Variants in CHD4 observed in about 807,000 individuals in gnomAD.
The protein encoded by CHD4 is ATP-dependent chromatin remodeler CHD4.
CHD4 carries 35 observed loss-of-function variants against 235.5 expected under a neutral mutation model. That is an observed-to-expected ratio of 0.15 (90% CI 0.11 to 0.20). The LOEUF (loss-of-function observed/expected upper bound fraction) is 0.20, where lower values mean the gene tolerates loss of function less well. CHD4 is among the 10% of genes least tolerant of loss of function. The pLI is 1.00. For synonymous variants in CHD4, 900 were observed against 850.2 expected, an observed-to-expected ratio of 1.06 and a Z score of -1.02; for missense variants, 1,329 against 2,432.3, an observed-to-expected ratio of 0.55 and a Z score of 9.54.
rs980415194 is a variant in CHD4, at chr12:6,574,787, G to A, written c.5362-1518C>T. Among the ~76,000 whole-genome samples the A allele has an allele frequency of 2.6e-5, 4 of 152,194 alleles. No homozygotes were observed. The East Asian group carries it at 5.8e-4, about 22-fold the overall frequency. ...CTTAAATGACAATTTAACTTTCTCA[G>A]TGACTCAGGCTCAAAATGTTATTTT... On this transcript the variant is annotated intron_variant, in intron 37 of 39. Coordinates refer to ENST00000544040, the MANE Select transcript of CHD4 (RefSeq NM_001273.5).
At chr12:6,580,081 C>T (rs553548131) in intron 33 of CHD4, among the ~76,000 whole-genome samples, 103 of 143,876 alleles carry the variant, frequency 7.2e-4, no homozygotes, top group South Asian at 2.8e-3. Flanking sequence ...AAAAAAATTA[C>T]GTGGGCATGG....
chr12:6,570,511 C>G lies in CHD4; in HGVS notation c.*165G>C. On this transcript the variant is annotated 3_prime_UTR_variant, in exon 40 of 40. Transcript: ENST00000544040. Reference sequence around the variant, plus strand: ...TCTTCTGCAGGAAGGGCACCACTGCCCCTCACTCCCTCCCCTCCCCCAGTG... The same window carrying G: ...TCTTCTGCAGGAAGGGCACCACTGCGCCTCACTCCCTCCCCTCCCCCAGTG... 1 of 765,892 alleles carries G rather than the reference C, an allele frequency of 1.3e-6. No individual in the cohort carries two copies. The highest frequency in any genetic ancestry group is 2.1e-6 in the Non-Finnish European group (1 of 468,672). The allele number at this position is 765,892 out of a possible 1,614,324, so 47.4% of individuals were successfully genotyped here.
At position 6,578,154 on chromosome 12, in the gene CHD4, G is replaced by A; in HGVS notation, c.5120-17C>T. 1.2e-6 allele frequency: 2 copies of A among 1,602,700 alleles called. No individual in the cohort carries two copies. Among genetic ancestry groups the A allele is most frequent in the Non-Finnish European group, 1.7e-6 (2 of 1,172,750 alleles). ...AGTGCAACTCTGAGGAGGAATTTAGGGAAGGTTGGGGGTGGGGGGAAGCAA... is the reference window on the plus strand; with the variant it reads ...AGTGCAACTCTGAGGAGGAATTTAGAGAAGGTTGGGGGTGGGGGGAAGCAA... On this transcript the variant is annotated splice_polypyrimidine_tract_variant and intron_variant, in intron 35 of 39. Coordinates refer to ENST00000544040, the MANE Select transcript of CHD4 (RefSeq NM_001273.5).
At position 6,582,840 on chromosome 12, in the gene CHD4, G is replaced by A. The variant is rs545674372; in HGVS notation, c.4236+8C>T. The A allele has an allele frequency of 1.2e-6, 2 of 1,613,848 alleles. No individual in the cohort carries two copies. The highest frequency in any genetic ancestry group is 2.2e-5 in the South Asian group (2 of 91,072). On this transcript the variant is annotated splice_region_variant and intron_variant, in intron 28 of 39. Transcript: ENST00000544040. The stretch of plus-strand genomic sequence containing the variant: ...ACTCACCCCTCCTTAGAATCGTATG[G>A]CACTTACTTCAATATTCCCACCAAC...
rs768787173 is a variant in CHD4, at chr12:6,582,595, C to T, written c.4370+20G>A. 6.3e-7 allele frequency: 1 copy of T among 1,599,152 alleles called. No individual in the cohort carries two copies. Among genetic ancestry groups the T allele is most frequent in the South Asian group, 1.1e-5 (1 of 87,980 alleles). ...CAGAAGCCCTTGCTCTAGATCAGTC[C>T]ACTCCAGCCCTCAACTCACTTGAAC... On this transcript the variant is annotated intron_variant, in intron 29 of 39. Coordinates refer to ENST00000544040, the MANE Select transcript of CHD4 (RefSeq NM_001273.5).
In CHD4 at chr12:6,593,300, T is replaced by C; in HGVS notation, c.2515-72A>G. 6.2e-7 allele frequency: 1 copy of C among 1,605,948 alleles called. No individual in the cohort carries two copies. The highest frequency in any genetic ancestry group is 8.5e-7 in the Non-Finnish European group (1 of 1,173,518). On this transcript the variant is annotated intron_variant, in intron 16 of 39. Coordinates refer to ENST00000544040, the MANE Select transcript of CHD4 (RefSeq NM_001273.5). This position sits in a 1 kb window ranked among gnomAD's most constrained non-coding sequence, Gnocchi z 4.9. ...AAGCACAACCAGGAGACTGATGGAA[T>C]GTTTTCCTCCTCCCAGGGTTACCCT...
chr12:6,573,143 C>T lies in CHD4; in HGVS notation c.5488G>A (p.Glu1830Lys). ...TRFAEVECLA[E>K]SHQHLSKESM... ...TCCTTGGACAGGTGCTGATGACTTT[C>T]CGCCAAACACTCCACCTCAGCAAAG... The change falls in exon 38 of 40, where the codon GAA (glutamate) becomes AAA (lysine). Residue 1830 changes from glutamate to lysine, a missense_variant. Physicochemically the swap from Glu to Lys is moderately conservative, Grantham distance 56. This residue lies in a region of CHD4 where 135 missense variants were observed against 282.3 expected (regional missense o/e 0.48). Coordinates refer to ENST00000544040, the MANE Select transcript of CHD4 (RefSeq NM_001273.5). 6.2e-7 allele frequency: 1 copy of T among 1,611,948 alleles called. No homozygotes were observed. Among genetic ancestry groups the T allele is most frequent in the Non-Finnish European group, 8.5e-7 (1 of 1,179,148 alleles).
At position 6,594,737 on chromosome 12, in the gene CHD4, C is replaced by G. The variant is rs562965697; in HGVS notation, c.2122-87G>C. The G allele has an allele frequency of 6.2e-4, 757 of 1,220,394 alleles. 2 individuals are homozygous for G. The highest frequency in any genetic ancestry group is 7.5e-4 in the Non-Finnish European group (652 of 871,240). The allele number at this position is 1,220,394 out of a possible 1,614,324, so 75.6% of individuals were successfully genotyped here. A position where few individuals can be genotyped will look rare whatever the true frequency, so the allele number is the denominator to read the frequency against. On this transcript the variant is annotated intron_variant, in intron 14 of 39. Coordinates refer to ENST00000544040, the MANE Select transcript of CHD4 (RefSeq NM_001273.5). ...CAGCTGCTTCCTCCTCACTAGTCTTCACGGATCCTCTTGGGGAAGAGCTCC... is the reference window on the plus strand; with the variant it reads ...CAGCTGCTTCCTCCTCACTAGTCTTGACGGATCCTCTTGGGGAAGAGCTCC...
intron 2 of CHD4, among the ~76,000 whole-genome samples, chr12:6,605,837 C>A (rs1430860142): frequency 6.6e-6 from 1 of 152,142 alleles, no homozygotes; most frequent in African/African-American, 2.4e-5. Flanking sequence ...GTAACCAGCA[C>A]TCCCTCTTTC....
At chr12:6,600,142 C>T in intron 9 of CHD4, 75 bp downstream of exon 9, 1 of 1,575,428 alleles carries the variant, frequency 6.3e-7, no homozygotes, top group Non-Finnish European at 8.6e-7. Flanking sequence ...CCATTTCCAT[C>T]CAGGCCCCGA....
At chr12:6,572,988 A>G (rs1948003348) in intron 38 of CHD4, 86 bp downstream of exon 38, 5 of 1,357,562 alleles carry the variant, frequency 3.7e-6, no homozygotes, top group African/African-American at 3.1e-5. Flanking sequence ...AGGAGCTCTG[A>G]AAGTTTGAAA....
intron 22 of CHD4, among the ~76,000 whole-genome samples, chr12:6,589,169 C>A (rs1182369415): frequency 6.6e-6 from 1 of 151,910 alleles, no homozygotes; most frequent in Non-Finnish European, 1.5e-5. Flanking sequence ...AGCTTGAACC[C>A]GGGAGGCAGA....
chr12:6,591,122 CAAAAAA>C (rs35011913), intron 22 of CHD4: 7 of 25,578 alleles, frequency 2.7e-4, no homozygotes, highest in East Asian at 1.4e-3. Context: ...GACTCCATCT[CAAAAAA>C]AAAAAAAAAA....
chr12:6,570,227 A>G lies in CHD4; in HGVS notation c.*449T>C, dbSNP rs1003003276. On this transcript the variant is annotated 3_prime_UTR_variant, in exon 40 of 40. Coordinates refer to ENST00000544040, the MANE Select transcript of CHD4 (RefSeq NM_001273.5). ...AGAGCCGCTGGGTTCCTGGTATTAA[A>G]AAGATGCCAACAGAGGTAGCTGTGT... is the stretch of plus-strand genomic sequence containing the variant. The G allele has an allele frequency of 1.8e-5, 3 of 166,042 alleles. No individual in the cohort carries two copies. The highest frequency in any genetic ancestry group is 7.2e-5 in the African/African-American group (3 of 41,956). The allele number at this position is 166,042 out of a possible 1,614,324, so 10.3% of individuals were successfully genotyped here.
chr12:6,599,640 T>C (rs1340917238), intron 10 of CHD4, 133 bp downstream of exon 10: 8 of 1,109,896 alleles, frequency 7.2e-6, no homozygotes, highest in Admixed American at 2.4e-5. Context: ...CCCAACACTA[T>C]AGGATGAAGG....
chr12:6,591,643 C>T, intron 21 of CHD4, 51 bp downstream of exon 21: 2 of 1,612,886 alleles, frequency 1.2e-6, no homozygotes, highest in Non-Finnish European at 1.7e-6. Context: ...TTCCTTAGGT[C>T]ACTAAGGGTT....
intron 2 of CHD4, among the ~76,000 whole-genome samples, chr12:6,602,757 C>T (rs933948624): frequency 2.0e-5 from 3 of 152,172 alleles, no homozygotes; most frequent in Non-Finnish European, 2.9e-5. Context: ...TCCTCTCTCC[C>T]GTTCCTACCA....
intron 2 of CHD4, among the ~76,000 whole-genome samples, chr12:6,604,235 C>T (rs771520211): frequency 7.9e-5 from 12 of 152,126 alleles, no homozygotes; most frequent in Non-Finnish European, 1.6e-4. Context: ...AGATCGCACA[C>T]TGCACTCCAA....
At chr12:6,580,883 T>G (rs1469207071) in intron 33 of CHD4, 161 bp downstream of exon 33, 1 of 748,024 alleles carries the variant, frequency 1.3e-6, no homozygotes, top group Non-Finnish European at 2.2e-6. Flanking sequence ...GGCGTCTGTC[T>G]GTAATCCCAG....
Sources: gnomAD v4.1 joint callset for allele counts (sites outside exome capture counted in the v4.1 genomes callset) on GRCh38, gnomAD v4.1.1 for gene constraint, gnomAD v4.1.1 regional missense constraint, Gnocchi (gnomAD v3.1) non-coding constraint, MANE v1.5 for transcripts, NCBI Gene and HGNC (gene_info 2026-07-23, HGNC 2026-07-21) for gene names.